Variants in CEP83 observed in about 807,000 individuals in gnomAD.
The protein encoded by CEP83 is centrosomal protein 83.
CEP83 carries 70 observed loss-of-function variants against 101.9 expected under a neutral mutation model. The observed-to-expected ratio is 0.69, with a 90% CI of 0.57 to 0.84. CEP83 has a LOEUF of 0.84. Ranked by LOEUF, CEP83 falls within the 40% of genes least tolerant of loss-of-function variation. The pLI, the probability that CEP83 is intolerant of heterozygous loss-of-function variation, is 0.00. For missense variants in CEP83, 715 were observed against 787.2 expected, an observed-to-expected ratio of 0.91 and a Z score of 1.10; for synonymous variants, 264 against 267.9, an observed-to-expected ratio of 0.99 and a Z score of 0.14.
At chr12:94,298,151 A>C in the CEP83 span, among the ~76,000 whole-genome samples, 4 of 152,266 alleles carry the variant, frequency 2.6e-5, no homozygotes, top group Non-Finnish European at 5.9e-5. Flanking sequence ...GCTGTCCCAT[A>C]GAGCCCAGCC....
intron 11 of CEP83, among the ~76,000 whole-genome samples, chr12:94,353,781 G>A (rs2136813547): frequency 6.8e-6 from 1 of 147,358 alleles, no homozygotes; most frequent in East Asian, 2.0e-4. Flanking sequence ...ATGAACAGAA[G>A]CAACTTACTT....
At chr12:94,425,905 G>C (rs536229862) in intron 2 of CEP83, among the ~76,000 whole-genome samples, 5 of 152,208 alleles carry the variant, frequency 3.3e-5, no homozygotes, top group Non-Finnish European at 5.9e-5. Context: ...CGGATCACGA[G>C]GTCAGGAGCT....
chr12:94,287,703 G>A, the CEP83 span, among the ~76,000 whole-genome samples: 73 of 152,310 alleles, frequency 4.8e-4, no homozygotes, highest in South Asian at 5.8e-3. Context: ...ATGCCCCAAA[G>A]GGTCTGTTAA....
chr12:94,342,784 C>CA lies in CEP83; in HGVS notation c.1344-7121dup, dbSNP rs576443841. The stretch of plus-strand genomic sequence containing the variant: ...TGGTGATGGTATCAGACAAGTCAAG[C>CA]AAAAAAAAAAGACAAAAAAAGCAAT... On this transcript the variant is annotated intron_variant, in intron 11 of 16. Coordinates refer to ENST00000397809, the MANE Select transcript of CEP83 (RefSeq NM_016122.3). Among the ~76,000 whole-genome samples, 1,157 of 141,462 alleles carry CA rather than the reference C, an allele frequency of 8.2e-3. 5 individuals carry two copies. The highest frequency in any genetic ancestry group is 0.015 in the South Asian group (68 of 4,500). The allele number at this position is 141,462 out of a possible 152,430, so 92.8% of individuals were successfully genotyped here.
At chr12:94,322,497 C>T (rs1359794400) in intron 14 of CEP83, among the ~76,000 whole-genome samples, 1 of 152,176 alleles carries the variant, frequency 6.6e-6, no homozygotes, top group East Asian at 1.9e-4. Context: ...TTCAGACTCT[C>T]CAAATCCCAA....
chr12:94,369,756 GAACAA>G (rs2061207014), intron 9 of CEP83, 161 bp downstream of exon 9: 2 of 473,358 alleles, frequency 4.2e-6, no homozygotes, highest in South Asian at 8.3e-5. Context: ...ATCTTACAAT[GAACAA>G]AACACTCAAC....
intron 6 of CEP83, among the ~76,000 whole-genome samples, chr12:94,395,200 G>C (rs1225655011): frequency 6.6e-6 from 1 of 151,980 alleles, no homozygotes; most frequent in East Asian, 1.9e-4. Flanking sequence ...TGGGGGCCTG[G>C]GGGAGGGATA....
At chr12:94,373,472 G>A (rs901985414) in intron 8 of CEP83, among the ~76,000 whole-genome samples, 1 of 152,138 alleles carries the variant, frequency 6.6e-6, no homozygotes, top group Admixed American at 6.5e-5. Context: ...AGAAGCTCTG[G>A]ATACAGATTC....
At chr12:94,455,767 G>A (rs562025592) in intron 1 of CEP83, among the ~76,000 whole-genome samples, 9 of 152,264 alleles carry the variant, frequency 5.9e-5, no homozygotes, top group Non-Finnish European at 8.8e-5. Context: ...ATAGTAGGCC[G>A]GGCGCATTGG....
intron 14 of CEP83, among the ~76,000 whole-genome samples, chr12:94,315,124 C>A (rs1970464023): frequency 6.6e-6 from 1 of 152,120 alleles, no homozygotes; most frequent in Admixed American, 6.6e-5. Context: ...ATGAATGGGT[C>A]ATAGTGTATA....
At chr12:94,294,686 T>A in the CEP83 span, 10 of 561,628 alleles carry the variant, frequency 1.8e-5, 1 homozygote, top group African/African-American at 1.5e-4. Context: ...CATTTTGATC[T>A]CTTTGCAGTC....
intron 2 of CEP83, among the ~76,000 whole-genome samples, chr12:94,435,029 C>A (rs2065893507): frequency 6.6e-6 from 1 of 152,210 alleles, no homozygotes; most frequent in South Asian, 2.1e-4. Flanking sequence ...CTTCCTTATT[C>A]TCTGGTCCCT....
intron 11 of CEP83, among the ~76,000 whole-genome samples, chr12:94,361,764 T>C (rs1398378318): frequency 6.6e-6 from 1 of 151,904 alleles, no homozygotes; most frequent in African/African-American, 2.4e-5. Flanking sequence ...TGCAATGGCA[T>C]GGTCTCGGCT....
chr12:94,335,483 G>T, intron 12 of CEP83, 106 bp downstream of exon 12: 1 of 687,626 alleles, frequency 1.5e-6, no homozygotes, highest in Non-Finnish European at 2.6e-6. Context: ...ACCAATTGTG[G>T]TTAGATTCTA....
chr12:94,398,685 C>T (rs529242049), intron 6 of CEP83, among the ~76,000 whole-genome samples: 9 of 152,206 alleles, frequency 5.9e-5, no homozygotes, highest in Non-Finnish European at 1.2e-4. Flanking sequence ...TGACTGCCTG[C>T]GGGGTCAGAC....
At chr12:94,268,033 A>G in the CEP83 span, among the ~76,000 whole-genome samples, 1 of 152,328 alleles carries the variant, frequency 6.6e-6, no homozygotes, top group East Asian at 1.9e-4. Context: ...TTTCAAGGAA[A>G]GGAAAGTCGG....
downstream of CEP83, chr12:94,303,936 T>C (rs1218017406): frequency 6.2e-7 from 1 of 1,607,814 alleles, no homozygotes; most frequent in Admixed American, 1.7e-5. Context: ...ATTTGGTTAC[T>C]TTACGTCATT....
At position 94,428,937 on chromosome 12, in the gene CEP83, A is replaced by G. The variant is rs1044212614; in HGVS notation, c.-102+6338T>C. Among the ~76,000 whole-genome samples the G allele has an allele frequency of 9.9e-5, 15 of 152,232 alleles. 2 individuals carry two copies. The highest frequency in any genetic ancestry group is 9.8e-4 in the Admixed American group (15 of 15,286). On this transcript the variant is annotated intron_variant, in intron 2 of 16. Transcript: ENST00000397809. ...CTTTGTTGGATACAGGAATACAGAAATAAATAAAAGAAAATCCTTGTCCTC... is the reference window on the plus strand; with the variant it reads ...CTTTGTTGGATACAGGAATACAGAAGTAAATAAAAGAAAATCCTTGTCCTC...
At chr12:94,409,450 G>A (rs943268783) in intron 4 of CEP83, among the ~76,000 whole-genome samples, 2 of 151,970 alleles carry the variant, frequency 1.3e-5, no homozygotes, top group Admixed American at 6.6e-5. Flanking sequence ...ATTTTAATAG[G>A]AGAGAGAAAA....
Sources: allele counts gnomAD v4.1 joint callset (sites outside exome capture counted in the v4.1 genomes callset), GRCh38; gene constraint gnomAD v4.1.1; transcripts MANE v1.5; gene names NCBI Gene and HGNC (gene_info 2026-07-23, HGNC 2026-07-21).